The following WWOX variants were observed in gnomAD, a reference collection of about 807,000 sequenced individuals.
The protein encoded by WWOX is WW domain containing oxidoreductase.
A neutral mutation model predicts 46.2 loss-of-function variants in WWOX; 69 were observed. The ratio of observed to expected loss-of-function variants is 1.49; its 90% confidence interval spans 1.23 to 1.82. WWOX has a LOEUF of 1.82. WWOX is among the 40% of genes most tolerant of loss of function. The pLI, the probability that WWOX is intolerant of heterozygous loss-of-function variation, is 0.00. For synonymous variants in WWOX, 359 were observed against 202.6 expected (o/e 1.77, Z -6.56); for missense variants, 919 against 542.6 (o/e 1.69, Z -6.89).
At chr16:78,714,370 C>T (rs1027646362) in intron 8 of WWOX, among the ~76,000 whole-genome samples, 2 of 151,974 alleles carry the variant, frequency 1.3e-5, no homozygotes, top group Non-Finnish European at 2.9e-5. Context: ...GGGAACTGCC[C>T]TTTATAAAAC....
chr16:78,911,511 A>G (rs1461210013), intron 8 of WWOX, among the ~76,000 whole-genome samples: 1 of 151,958 alleles, frequency 6.6e-6, no homozygotes, highest in Non-Finnish European at 1.5e-5. Flanking sequence ...GAAATGGACA[A>G]TTCTTTTGGT....
At chr16:78,233,461 C>T (rs967420745) in intron 5 of WWOX, among the ~76,000 whole-genome samples, 4 of 151,476 alleles carry the variant, frequency 2.6e-5, no homozygotes, top group Non-Finnish European at 4.4e-5. Context: ...GGGTGTATTT[C>T]GCTGTATATG....
chr16:78,827,224 C>A (rs544440610), intron 8 of WWOX, among the ~76,000 whole-genome samples: 1 of 152,206 alleles, frequency 6.6e-6, no homozygotes, highest in Non-Finnish European at 1.5e-5. Context: ...GGCTGATCCT[C>A]TAAGACAGTG....
chr16:79,007,181 A>G (rs1206500963), intron 8 of WWOX, among the ~76,000 whole-genome samples: 8 of 151,486 alleles, frequency 5.3e-5, no homozygotes, highest in African/African-American at 2.0e-4. Context: ...AAGGGCGTTG[A>G]AGAAGTCAAC....
At chr16:78,589,478 C>T (rs747850575) in intron 8 of WWOX, among the ~76,000 whole-genome samples, 1 of 152,162 alleles carries the variant, frequency 6.6e-6, no homozygotes, top group African/African-American at 2.4e-5. Flanking sequence ...TGTCCTGCCA[C>T]TCTTTTCCTC....
intron 5 of WWOX, among the ~76,000 whole-genome samples, chr16:78,353,440 T>C (rs540716601): frequency 6.6e-6 from 1 of 152,290 alleles, no homozygotes; most frequent in African/African-American, 2.4e-5. Flanking sequence ...ATCTATCGAT[T>C]AATAGAAATC....
intron 8 of WWOX, among the ~76,000 whole-genome samples, chr16:78,985,386 G>A (rs2046764464): frequency 6.6e-6 from 1 of 152,196 alleles, no homozygotes; most frequent in East Asian, 1.9e-4. Flanking sequence ...AGGGCTAATA[G>A]CAGTGTCAGG....
At chr16:78,976,441 A>G (rs2046574278) in intron 8 of WWOX, among the ~76,000 whole-genome samples, 1 of 152,220 alleles carries the variant, frequency 6.6e-6, no homozygotes, top group Non-Finnish European at 1.5e-5. Context: ...TGTGACTAAC[A>G]GCCACATGGC....
rs573763940 is a variant in WWOX, at chr16:78,832,799, C to A, written c.1057-378809C>A. 2.0e-5 allele frequency among the ~76,000 whole-genome samples: 3 copies of A among 152,264 alleles called. No individual in the cohort carries two copies. In the South Asian group the frequency reaches 6.2e-4, roughly 32 times the overall value. On this transcript the variant is annotated intron_variant, in intron 8 of 8. Coordinates refer to ENST00000566780, the MANE Select transcript of WWOX (RefSeq NM_016373.4). ...GCGCCTTTACAGAGGAAACCTTGAG[C>A]TTCTTCTGTGATATTCATTACAGAA... is the stretch of plus-strand genomic sequence containing the variant.
chr16:79,137,148 T>TA (rs1204467195), intron 8 of WWOX, among the ~76,000 whole-genome samples: 1 of 152,202 alleles, frequency 6.6e-6, no homozygotes, highest in Admixed American at 6.5e-5. Context: ...TGGATCTCTG[T>TA]AGCAGGCACA....
At chr16:78,697,047 C>T (rs1175438193) in intron 8 of WWOX, among the ~76,000 whole-genome samples, 2 of 152,166 alleles carry the variant, frequency 1.3e-5, no homozygotes, top group Non-Finnish European at 2.9e-5. Flanking sequence ...ACCGTAGTTT[C>T]TTTATCCACT....
chr16:78,783,877 G>A (rs1224447429), intron 8 of WWOX, among the ~76,000 whole-genome samples: 2 of 77,754 alleles, frequency 2.6e-5, no homozygotes, highest in East Asian at 7.5e-4. Context: ...TGGTGATGAC[G>A]ATGATAATGG....
chr16:79,055,469 A>T (rs1368326950), intron 8 of WWOX, among the ~76,000 whole-genome samples: 2 of 152,152 alleles, frequency 1.3e-5, no homozygotes, highest in African/African-American at 4.8e-5. Context: ...CCAGCTAGCC[A>T]TGTGGAGAGG....
chr16:78,144,222 T>C (rs1319772312), intron 4 of WWOX, among the ~76,000 whole-genome samples: 1 of 151,596 alleles, frequency 6.6e-6, no homozygotes, highest in Non-Finnish European at 1.5e-5. Context: ...GGGGCACTAA[T>C]GATTAATAGT....
intron 8 of WWOX, among the ~76,000 whole-genome samples, chr16:78,917,847 G>C (rs1305826600): frequency 6.6e-6 from 1 of 152,078 alleles, no homozygotes; most frequent in Non-Finnish European, 1.5e-5. Context: ...AATACATCTA[G>C]ATCAGAAATA....
intron 5 of WWOX, among the ~76,000 whole-genome samples, chr16:78,279,796 T>G (rs1443806957): frequency 6.6e-6 from 1 of 152,236 alleles, no homozygotes; most frequent in Non-Finnish European, 1.5e-5. Context: ...GAAATAACTC[T>G]TCTGCTAACC....
intron 8 of WWOX, among the ~76,000 whole-genome samples, chr16:78,769,099 T>C (rs2142512745): frequency 6.6e-6 from 1 of 152,366 alleles, no homozygotes; most frequent in Non-Finnish European, 1.5e-5. Context: ...TATAAGGCTC[T>C]GGCATTTGAT....
intron 8 of WWOX, among the ~76,000 whole-genome samples, chr16:78,985,696 G>A (rs761989693): frequency 6.6e-5 from 10 of 152,204 alleles, no homozygotes; most frequent in Non-Finnish European, 1.5e-4. Flanking sequence ...TTGAATCCAA[G>A]AGATGGAGGT....
chr16:78,664,938 A>G (rs571400898), intron 8 of WWOX, among the ~76,000 whole-genome samples: 1 of 152,340 alleles, frequency 6.6e-6, no homozygotes, highest in South Asian at 2.1e-4. Flanking sequence ...TGTCAGCCTA[A>G]TAGCCTAAAC....
Sources: allele counts gnomAD v4.1 joint callset (sites outside exome capture counted in the v4.1 genomes callset), GRCh38; gene constraint gnomAD v4.1.1; transcripts MANE v1.5; gene names NCBI Gene and HGNC (gene_info 2026-07-23, HGNC 2026-07-21).